PLCB4: variants seen among roughly 807,000 people sequenced by gnomAD.
PLCB4 encodes 1-phosphatidylinositol 4,5-bisphosphate phosphodiesterase beta-4.
Under a neutral mutation model 178.8 loss-of-function variants are expected in PLCB4, and 77 were observed. The ratio of observed to expected loss-of-function variants is 0.43; its 90% confidence interval spans 0.36 to 0.52. The LOEUF is 0.52. Among genes scored for constraint, PLCB4 ranks in the 20% least tolerant of loss-of-function variants. The pLI is 0.00. For missense variants in PLCB4, 1,024 were observed against 1,453.4 expected, an observed-to-expected ratio of 0.70 and a Z score of 4.80; for synonymous variants, 496 against 490.8, an observed-to-expected ratio of 1.01 and a Z score of -0.14.
intron 3 of PLCB4, among the ~76,000 whole-genome samples, chr20:9,259,196 A>C (rs899011075): frequency 2.0e-5 from 3 of 152,138 alleles, no homozygotes; most frequent in Non-Finnish European, 4.4e-5. Context: ...CCTTCTTCTC[A>C]GTTTTTCTTT....
At chr20:9,272,028 T>A (rs1056681230) in intron 3 of PLCB4, among the ~76,000 whole-genome samples, 1 of 150,522 alleles carries the variant, frequency 6.6e-6, no homozygotes, top group East Asian at 2.0e-4. Flanking sequence ...AAAAAAAAAA[T>A]TGGCTGGGCG....
chr20:9,431,827 G>A (rs1226181782), intron 28 of PLCB4, among the ~76,000 whole-genome samples: 1 of 151,760 alleles, frequency 6.6e-6, no homozygotes, highest in East Asian at 1.9e-4. Context: ...TATTTTCTTA[G>A]TACTCCTTCC....
At position 9,296,590 on chromosome 20, in the gene PLCB4, A is replaced by G. The variant is rs571591087; in HGVS notation, c.-15-11210A>G. 6.8e-3 allele frequency among the ~76,000 whole-genome samples: 1,035 copies of G among 152,262 alleles called. 15 individuals carry two copies. Among genetic ancestry groups the G allele is most frequent in the African/African-American group, 0.024 (996 of 41,562 alleles). ...TTATTGTGGCACTATTCACAATAGC[A>G]AAGACTTGGAACCAACCCAAATGTC... is the stretch of plus-strand genomic sequence containing the variant. On this transcript the variant is annotated intron_variant, in intron 3 of 39. Coordinates refer to ENST00000378473, the MANE Select transcript of PLCB4 (RefSeq NM_001377142.1).
intron 2 of PLCB4, among the ~76,000 whole-genome samples, chr20:9,160,971 G>A (rs1006872337): frequency 5.9e-5 from 9 of 152,168 alleles, no homozygotes; most frequent in African/African-American, 2.2e-4. Context: ...CAGAAAGCGA[G>A]CCAGAGTTGC....
chr20:9,422,962 G>T (rs1287242591), intron 27 of PLCB4, among the ~76,000 whole-genome samples: 1 of 152,172 alleles, frequency 6.6e-6, no homozygotes, highest in Non-Finnish European at 1.5e-5. Context: ...AAGATGTCCT[G>T]GTTGCTTTTA....
At chr20:9,154,344 G>C (rs554922862) in intron 2 of PLCB4, among the ~76,000 whole-genome samples, 1 of 152,220 alleles carries the variant, frequency 6.6e-6, no homozygotes, top group African/African-American at 2.4e-5. Flanking sequence ...AATAAAATTG[G>C]GGCTCTCTTA....
chr20:9,404,198 T>G (rs1000565713), intron 20 of PLCB4, among the ~76,000 whole-genome samples: 2 of 151,546 alleles, frequency 1.3e-5, no homozygotes, highest in Non-Finnish European at 2.9e-5. Context: ...CTTGAGGAGG[T>G]GGAAGAGGGT....
intron 2 of PLCB4, among the ~76,000 whole-genome samples, chr20:9,106,759 G>A (rs1389352040): frequency 1.3e-5 from 2 of 152,156 alleles, no homozygotes; most frequent in East Asian, 3.9e-4. Flanking sequence ...TTTGTGAAGG[G>A]AAGATTGGCA....
In PLCB4 at chr20:9,413,388, A is replaced by G. The variant is rs530313485; in HGVS notation, c.2051+2300A>G. Among the ~76,000 whole-genome samples the G allele has an allele frequency of 2.0e-5, 3 of 152,216 alleles. No individual in the cohort carries two copies. The South Asian group carries it at 6.2e-4, about 32-fold the overall frequency. ...AGCACTTTGGGAGGCCGAGGCGGGC[A>G]GTGGCTCACACCTGGAATCCCAGCA... is the stretch of plus-strand genomic sequence containing the variant. On this transcript the variant is annotated intron_variant, in intron 25 of 39. Coordinates refer to ENST00000378473, the MANE Select transcript of PLCB4 (RefSeq NM_001377142.1).
At position 9,480,228 on chromosome 20, in the gene PLCB4, G is replaced by A. The variant is rs1194360075; in HGVS notation, c.*1219G>A. ...TTAAGCCTGCTGTAGTTGAGTTGCA[G>A]ACAGTGCATGAAAAAGTATTCCGCT... On this transcript the variant is annotated 3_prime_UTR_variant, in exon 40 of 40. Coordinates refer to ENST00000378473, the MANE Select transcript of PLCB4 (RefSeq NM_001377142.1). 6.6e-6 allele frequency: 1 copy of A among 152,612 alleles called. No individual in the cohort carries two copies. The highest frequency in any genetic ancestry group is 1.5e-5 in the Non-Finnish European group (1 of 68,040). The allele number at this position is 152,612 out of a possible 1,614,324, so 9.5% of individuals were successfully genotyped here. A position where few individuals can be genotyped will look rare whatever the true frequency, so the allele number is the denominator to read the frequency against.
At position 9,365,661 on chromosome 20, in the gene PLCB4, A is replaced by G. The variant is rs189598565; in HGVS notation, c.503+147A>G. ...AGTTTCAATTGCTTTGACAAATGCT[A>G]TATTCAGTTTGTAAAAATCATTTAT... On this transcript the variant is annotated intron_variant, in intron 9 of 39. Coordinates refer to ENST00000378473, the MANE Select transcript of PLCB4 (RefSeq NM_001377142.1). 159 of 484,660 alleles carry G rather than the reference A, an allele frequency of 3.3e-4. 1 individual carries two copies. The highest frequency in any genetic ancestry group is 7.1e-5 in the Non-Finnish European group (19 of 269,138). 30.0% of individuals were successfully genotyped at this position (484,660 alleles called of 1,614,324 possible).
intron 1 of PLCB4, among the ~76,000 whole-genome samples, chr20:9,079,682 A>G (rs2090052240): frequency 6.6e-6 from 1 of 152,166 alleles, no homozygotes; most frequent in Non-Finnish European, 1.5e-5. Context: ...CAGGGTAGAA[A>G]GCTTATGATC....
intron 28 of PLCB4, among the ~76,000 whole-genome samples, chr20:9,433,277 C>A (rs1374765858): frequency 1.3e-5 from 2 of 152,070 alleles, no homozygotes; most frequent in African/African-American, 4.8e-5. Flanking sequence ...CTAGAAGTAT[C>A]CTTAAAGAAA....
intron 2 of PLCB4, among the ~76,000 whole-genome samples, chr20:9,202,247 C>A (rs955651525): frequency 1.3e-5 from 2 of 152,104 alleles, no homozygotes; most frequent in South Asian, 4.1e-4. Context: ...GTCAAAGGGG[C>A]AGCCTGAGGG....
chr20:9,071,079 C>T (rs770359030), intron 1 of PLCB4, among the ~76,000 whole-genome samples: 1 of 152,090 alleles, frequency 6.6e-6, no homozygotes, highest in Non-Finnish European at 1.5e-5. Context: ...GTCCTGGAAT[C>T]GTGAGGCGGT....
chr20:9,347,217 G>A (rs1433547877), intron 7 of PLCB4, among the ~76,000 whole-genome samples: 1 of 152,148 alleles, frequency 6.6e-6, no homozygotes, highest in East Asian at 1.9e-4. Context: ...CGCTGTTGAG[G>A]GGGGCACTTT....
chr20:9,104,770 A>T (rs1354416435), intron 2 of PLCB4, among the ~76,000 whole-genome samples: 2 of 151,904 alleles, frequency 1.3e-5, no homozygotes, highest in Admixed American at 1.3e-4. Context: ...TTCACATCCT[A>T]ACATTCTGTC....
chr20:9,268,114 A>G (rs985717408), intron 3 of PLCB4, among the ~76,000 whole-genome samples: 2 of 152,204 alleles, frequency 1.3e-5, no homozygotes, highest in Non-Finnish European at 2.9e-5. Flanking sequence ...CAGGTATTCT[A>G]TTATAAGCAA....
intron 34 of PLCB4, among the ~76,000 whole-genome samples, chr20:9,458,281 C>G (rs1333031483): frequency 6.6e-6 from 1 of 152,138 alleles, no homozygotes; most frequent in Non-Finnish European, 1.5e-5. Flanking sequence ...AGGGCATGAA[C>G]TCTATAGAGG....
Sources: allele counts gnomAD v4.1 joint callset (sites outside exome capture counted in the v4.1 genomes callset), GRCh38; gene constraint gnomAD v4.1.1; transcripts MANE v1.5; gene names NCBI Gene and HGNC (gene_info 2026-07-23, HGNC 2026-07-21).